Variants in NRP1 observed in about 807,000 individuals in gnomAD.
The protein encoded by NRP1 is neuropilin 1, also known as neuropilin-1.
Under a neutral mutation model 106.7 loss-of-function variants are expected in NRP1, and 35 were observed. The observed-to-expected ratio is 0.33, with a 90% CI of 0.25 to 0.43. The LOEUF (loss-of-function observed/expected upper bound fraction) is 0.43. NRP1 is among the 20% of genes least tolerant of loss of function. The pLI is 1.00. For synonymous variants in NRP1, 437 were observed against 417.9 expected, an observed-to-expected ratio of 1.05 and a Z score of -0.56; for missense variants, 1,024 against 1,170.4, an observed-to-expected ratio of 0.87 and a Z score of 1.83.
chr10:33,314,072 C>T (rs187289775), intron 2 of NRP1, among the ~76,000 whole-genome samples: 1 of 148,996 alleles, frequency 6.7e-6, no homozygotes, highest in Non-Finnish European at 1.5e-5. Flanking sequence ...CCCTCCCTCC[C>T]TCCCTCCCTC....
chr10:33,202,987 C>A lies in NRP1; in HGVS notation c.1768G>T (p.Ala590Ser). The A allele has an allele frequency of 1.2e-6, 2 of 1,612,028 alleles. No individual in the cohort carries two copies. The highest frequency in any genetic ancestry group is 1.7e-6 in the Non-Finnish European group (2 of 1,178,878). Residue 590 changes from alanine (A) to serine (S), a missense_variant, in exon 11 of 17, where the codon GCT (alanine) becomes TCT (serine). By Grantham distance (99) the Ala-to-Ser change is moderately conservative. This residue lies in a region of NRP1 where 562 missense variants were observed against 620.3 expected (regional missense o/e 0.91). Coordinates refer to ENST00000374867, the MANE Select transcript of NRP1 (RefSeq NM_003873.7). The part of the protein sequence containing the change: ...LLGCEVEAPT[A>S]GPTTPNGNLV... ...TTCCCGTTGGGAGTGGTCGGTCCAG[C>A]TGTAGGGGCTGAAACAAGATCCAAG...
At chr10:33,213,112 C>T in intron 9 of NRP1, 1 of 843,146 alleles carries the variant, frequency 1.2e-6, no homozygotes, top group Non-Finnish European at 1.8e-6. Flanking sequence ...CCTTGGGCTT[C>T]CCCGTCTCCT....
chr10:33,193,402 G>C (rs1836550566), intron 12 of NRP1, among the ~76,000 whole-genome samples: 1 of 152,138 alleles, frequency 6.6e-6, no homozygotes, highest in Non-Finnish European at 1.5e-5. Flanking sequence ...AAATTCTAAA[G>C]ATGAAATTCT....
chr10:33,199,367 C>CTATACATATATATA (rs1837055624), intron 11 of NRP1, among the ~76,000 whole-genome samples: 1 of 54,276 alleles, frequency 1.8e-5, no homozygotes, highest in Admixed American at 3.2e-4. Context: ...TGGCTGTTTT[C>CTATACATATATATA]TATATATATA....
chr10:33,295,097 G>A (rs1007843312), intron 2 of NRP1, among the ~76,000 whole-genome samples: 2 of 152,130 alleles, frequency 1.3e-5, no homozygotes, highest in Non-Finnish European at 2.9e-5. Context: ...ACCTAGACAG[G>A]TACCATATAA....
chr10:33,317,247 G>A (rs960411194), intron 2 of NRP1, among the ~76,000 whole-genome samples: 4 of 152,026 alleles, frequency 2.6e-5, no homozygotes, highest in Admixed American at 6.6e-5. Context: ...AGGGTGAGGT[G>A]GGGATAAGGA....
At chr10:33,291,469 G>A (rs961036372) in intron 2 of NRP1, among the ~76,000 whole-genome samples, 1 of 152,052 alleles carries the variant, frequency 6.6e-6, no homozygotes, top group Non-Finnish European at 1.5e-5. Context: ...GCTGCTTCAG[G>A]GCAAGAAAAA....
chr10:33,190,094 TACTC>T (rs1008205866), intron 13 of NRP1, among the ~76,000 whole-genome samples: 9 of 152,266 alleles, frequency 5.9e-5, no homozygotes, highest in Non-Finnish European at 1.0e-4. Context: ...CCTTCTCTGA[TACTC>T]TAACACATAA....
intron 7 of NRP1, 44 bp downstream of exon 7, chr10:33,226,090 A>G (rs372476076): frequency 6.2e-7 from 1 of 1,603,202 alleles, no homozygotes. Flanking sequence ...TTGATCATCC[A>G]TTTAAAAGAC....
intron 14 of NRP1, 53 bp from the exon 15 acceptor site, chr10:33,185,777 G>A (rs995802207): frequency 4.1e-6 from 6 of 1,458,152 alleles, no homozygotes; most frequent in Non-Finnish European, 4.8e-6. Flanking sequence ...TCACATGGCA[G>A]TGTTTACAAA....
At chr10:33,282,250 C>G (rs891669230) in intron 2 of NRP1, among the ~76,000 whole-genome samples, 1 of 152,060 alleles carries the variant, frequency 6.6e-6, no homozygotes, top group African/African-American at 2.4e-5. Flanking sequence ...AAAAAGCCCC[C>G]TTAATTGGTA....
intron 15 of NRP1, among the ~76,000 whole-genome samples, chr10:33,183,142 G>A (rs1835789194): frequency 6.6e-6 from 1 of 152,002 alleles, no homozygotes; most frequent in Non-Finnish European, 1.5e-5. Context: ...ACCAGCCTGG[G>A]CAACATAGTG....
At chr10:33,192,557 C>A in intron 12 of NRP1, 139 bp from the exon 13 acceptor site, 2 of 841,354 alleles carry the variant, frequency 2.4e-6, no homozygotes, top group Non-Finnish European at 3.6e-6. Context: ...TCCAGGAAAG[C>A]CAGGATTACC....
At chr10:33,211,226 C>T (rs997871619) in intron 9 of NRP1, 37 of 152,140 alleles carry the variant, frequency 2.4e-4, no homozygotes, top group Admixed American at 2.2e-3. Flanking sequence ...TGTGATGCAT[C>T]CTATCAAAAG....
At chr10:33,306,798 T>G (rs753782242) in intron 2 of NRP1, among the ~76,000 whole-genome samples, 2 of 152,206 alleles carry the variant, frequency 1.3e-5, no homozygotes, top group Non-Finnish European at 2.9e-5. Flanking sequence ...GCTTCAAGCT[T>G]TGTTTTCCTA....
chr10:33,205,577 G>C (rs1377741704), intron 10 of NRP1: 1 of 152,360 alleles, frequency 6.6e-6, no homozygotes, highest in Non-Finnish European at 1.5e-5. Context: ...GGTGCTCATT[G>C]GTCAGGTCTG....
Position 33,207,653 on chromosome 10 carries a change from G to T in NRP1, c.1678C>A (p.Arg560=). 1 of 1,614,088 alleles carries T rather than the reference G, an allele frequency of 6.2e-7. No homozygotes were observed. The highest frequency in any genetic ancestry group is 8.5e-7 in the Non-Finnish European group (1 of 1,180,006). Residue 560 remains arginine (R), a synonymous_variant, in exon 10 of 17, where the codon CGA becomes AGA. Transcript: ENST00000374867. Reference sequence around the variant, plus strand: ...CTCTCGGGGTAGATCCTGATGAATCGCGTGGAGAGAGCTGGAAAAGTCCGC... The same window carrying T: ...CTCTCGGGGTAGATCCTGATGAATCTCGTGGAGAGAGCTGGAAAAGTCCGC... ...ELRTFPALST[R]FIRIYPERAT...
chr10:33,192,413 G>C lies in NRP1; in HGVS notation c.1930C>G (p.Pro644Ala). ...AATTCACAGTTAAAACCATATGTTGGAAACTCTTCAGTGGGTGGGAAGTAA... is the reference window on the plus strand; with the variant it reads ...AATTCACAGTTAAAACCATATGTTGCAAACTCTTCAGTGGGTGGGAAGTAA... ...VIDSTIQSEF[P>A]TYGFNCEFGW... is the part of the protein sequence containing the mutation. The change falls in exon 13 of 17, where the codon CCA (proline) becomes GCA (alanine). Residue 644 changes from proline to alanine, a missense_variant. Physicochemically the swap from Pro to Ala is conservative, Grantham distance 27. Around this residue, in one of 5 missense-constraint regions of NRP1, gnomAD observed 562 missense variants for 620.3 expected, o/e 0.91. Coordinates refer to ENST00000374867, the MANE Select transcript of NRP1 (RefSeq NM_003873.7). 2 of 1,613,616 alleles carry C rather than the reference G, an allele frequency of 1.2e-6. No homozygotes were observed. Among genetic ancestry groups the C allele is most frequent in the Non-Finnish European group, 1.7e-6 (2 of 1,179,862 alleles).
chr10:33,189,789 T>C (rs12266175), intron 13 of NRP1, among the ~76,000 whole-genome samples: 2,291 of 152,300 alleles, frequency 0.015, 18 homozygotes, highest in Non-Finnish European at 0.02. Context: ...TTTCACCAAA[T>C]AATATTATAA....
Sources: allele counts gnomAD v4.1 joint callset (sites outside exome capture counted in the v4.1 genomes callset), GRCh38; gene constraint gnomAD v4.1.1; regional missense constraint gnomAD v4.1.1; transcripts MANE v1.5; gene names NCBI Gene and HGNC (gene_info 2026-07-23, HGNC 2026-07-21).